SLC4A10: variants seen among roughly 807,000 people sequenced by gnomAD.
The protein encoded by SLC4A10 is sodium-driven chloride bicarbonate exchanger.
A neutral mutation model predicts 137.7 loss-of-function variants in SLC4A10; 42 were observed. That is an observed-to-expected ratio of 0.30 (90% confidence interval 0.24 to 0.39). SLC4A10 has a LOEUF of 0.39. Among genes scored for constraint, SLC4A10 ranks in the 10% least tolerant of loss-of-function variants. SLC4A10 has a pLI of 1.00. For missense variants in SLC4A10, 925 were observed against 1,355.0 expected (o/e 0.68, Z 4.98); for synonymous variants, 474 against 464.1 (o/e 1.02, Z -0.27).
intron 3 of SLC4A10, among the ~76,000 whole-genome samples, chr2:161,818,688 A>G (rs1267086784): frequency 5.9e-5 from 9 of 152,248 alleles, no homozygotes; most frequent in Non-Finnish European, 1.0e-4. Flanking sequence ...TTAGCATGAA[A>G]GGTTGTTGAA....
chr2:161,663,894 A>G lies in SLC4A10; in HGVS notation c.48+39328A>G, dbSNP rs1382498310. On this transcript the variant is annotated intron_variant, in intron 1 of 26. Coordinates refer to ENST00000446997, the MANE Select transcript of SLC4A10 (RefSeq NM_001178015.2). ...TTTTGATGTTTATGTAGAATTGGGG[A>G]GGCTGTATATTTCATAACTGCATAC... Among the ~76,000 whole-genome samples the G allele has an allele frequency of 6.6e-5, 10 of 152,060 alleles. No individual in the cohort carries two copies. The South Asian group carries it at 2.1e-3, about 31-fold the overall frequency.
chr2:161,847,922 CT>C (rs1194943677), intron 4 of SLC4A10, among the ~76,000 whole-genome samples: 1 of 152,130 alleles, frequency 6.6e-6, no homozygotes, highest in Non-Finnish European at 1.5e-5. Context: ...AATGATAGTT[CT>C]GTTTTAAGTT....
intron 1 of SLC4A10, among the ~76,000 whole-genome samples, chr2:161,677,449 G>A (rs1036227255): frequency 6.6e-6 from 1 of 152,154 alleles, no homozygotes; most frequent in East Asian, 1.9e-4. Context: ...GTGCTCTGCA[G>A]AACACCAGAA....
At chr2:161,833,807 C>G (rs1056757475) in intron 3 of SLC4A10, among the ~76,000 whole-genome samples, 1 of 152,176 alleles carries the variant, frequency 6.6e-6, no homozygotes, top group African/African-American at 2.4e-5. Flanking sequence ...TTCCTATCAT[C>G]CATCGGCATC....
chr2:161,790,929 A>G (rs1196346839), intron 2 of SLC4A10, among the ~76,000 whole-genome samples: 2 of 152,188 alleles, frequency 1.3e-5, no homozygotes, highest in South Asian at 4.1e-4. Flanking sequence ...ATCATCTCAC[A>G]TCAGTCAGAA....
chr2:161,823,829 A>C (rs1040232829), intron 3 of SLC4A10, among the ~76,000 whole-genome samples: 2 of 152,216 alleles, frequency 1.3e-5, no homozygotes, highest in Non-Finnish European at 2.9e-5. Flanking sequence ...CCACAAAGGA[A>C]GAGAACATCA....
intron 3 of SLC4A10, among the ~76,000 whole-genome samples, chr2:161,821,992 A>C (rs2057664878): frequency 6.6e-6 from 1 of 152,144 alleles, no homozygotes; most frequent in African/African-American, 2.4e-5. Flanking sequence ...TTTCTTTACC[A>C]TTGCTGCTAT....
At position 161,925,879 on chromosome 2, in the gene SLC4A10, T is replaced by C. The variant is rs549109773; in HGVS notation, c.1998-16913T>C. 8.5e-5 allele frequency among the ~76,000 whole-genome samples: 13 copies of C among 152,320 alleles called. No homozygotes were observed. The South Asian group carries it at 2.7e-3, about 32-fold the overall frequency. On this transcript the variant is annotated intron_variant, in intron 15 of 26. Coordinates refer to ENST00000446997, the MANE Select transcript of SLC4A10 (RefSeq NM_001178015.2). ...GAGCGGTTTTGAGTGAGTTTCTTAA[T>C]CCTGAGTTCTAGTTTGATTGCACTG...
intron 1 of SLC4A10, among the ~76,000 whole-genome samples, chr2:161,667,025 G>A (rs1448264820): frequency 1.3e-5 from 2 of 151,606 alleles, no homozygotes; most frequent in East Asian, 1.9e-4. Context: ...GTTGGAAAGA[G>A]TATCTATAAT....
intron 1 of SLC4A10, among the ~76,000 whole-genome samples, chr2:161,699,070 A>G (rs945049145): frequency 3.9e-5 from 6 of 152,100 alleles, no homozygotes; most frequent in African/African-American, 1.4e-4. Context: ...CCCAGGCTGG[A>G]GTGCAGTGGC....
chr2:161,626,512 T>C (rs974220427), intron 1 of SLC4A10, among the ~76,000 whole-genome samples: 1 of 152,066 alleles, frequency 6.6e-6, no homozygotes, highest in African/African-American at 2.4e-5. Context: ...TAAGAGGGAA[T>C]CATATTAGCA....
rs543702288 is a variant in SLC4A10, at chr2:161,915,015, T to A, written c.1997+9128T>A. ...TCCGATTGGTTCTTTCTGAATAATA[T>A]CTTTTTTACCAATCAAATGTTGCCT... On this transcript the variant is annotated intron_variant, in intron 15 of 26. Transcript: ENST00000446997. Among the ~76,000 whole-genome samples, 8 of 152,198 alleles carry A rather than the reference T, an allele frequency of 5.3e-5. No homozygotes were observed. In the East Asian group the frequency reaches 1.5e-3, roughly 29 times the overall value.
In SLC4A10 at chr2:161,825,766, G is replaced by T. The variant is rs536153438; in HGVS notation, c.278-14023G>T. On this transcript the variant is annotated intron_variant, in intron 3 of 26. Transcript: ENST00000446997. ...CTCAGGTAAGAATCATACCCCTACTGCCATCCCTTTTAAGGAGAATAAGTA... is the reference window on the plus strand; with the variant it reads ...CTCAGGTAAGAATCATACCCCTACTTCCATCCCTTTTAAGGAGAATAAGTA... Among the ~76,000 whole-genome samples the T allele has an allele frequency of 3.3e-5, 5 of 152,210 alleles. No homozygotes were observed. The East Asian group carries it at 7.7e-4, about 24-fold the overall frequency.
chr2:161,922,490 T>C (rs892758895), intron 15 of SLC4A10, among the ~76,000 whole-genome samples: 2 of 152,118 alleles, frequency 1.3e-5, no homozygotes, highest in African/African-American at 4.8e-5. Flanking sequence ...AAATGATTAA[T>C]AATCCAAGAA....
intron 15 of SLC4A10, among the ~76,000 whole-genome samples, chr2:161,940,359 T>C (rs1300640093): frequency 6.6e-6 from 1 of 152,058 alleles, no homozygotes; most frequent in African/African-American, 2.4e-5. Flanking sequence ...ATCCAAGATA[T>C]TGGGGCTCCC....
At chr2:161,649,792 A>C (rs1377676404) in intron 1 of SLC4A10, among the ~76,000 whole-genome samples, 1 of 43,030 alleles carries the variant, frequency 2.3e-5, no homozygotes, top group African/African-American at 8.7e-5. Flanking sequence ...CTTAGGCCTA[A>C]ATAGACATTT....
At chr2:161,967,743 G>A (rs553606933) in intron 23 of SLC4A10, among the ~76,000 whole-genome samples, 76 of 152,094 alleles carry the variant, frequency 5.0e-4, no homozygotes, top group African/African-American at 1.8e-3. Flanking sequence ...TTAGAAGTTT[G>A]GTGATGTTTT....
In SLC4A10 at chr2:161,893,552, A is replaced by C. The variant is rs559530923; in HGVS notation, c.1195-1127A>C. On this transcript the variant is annotated intron_variant, in intron 10 of 26. Coordinates refer to ENST00000446997, the MANE Select transcript of SLC4A10 (RefSeq NM_001178015.2). The stretch of plus-strand genomic sequence containing the variant: ...CTCTACAAGAAATTTTTTAAAAATT[A>C]GCCAGGTTTTGTGGTACACACCTGT... Among the ~76,000 whole-genome samples, 82 of 152,072 alleles carry C rather than the reference A, an allele frequency of 5.4e-4. 2 individuals carry two copies. In the South Asian group the frequency reaches 0.016, roughly 29 times the overall value.
intron 1 of SLC4A10, among the ~76,000 whole-genome samples, chr2:161,680,018 A>C (rs1255387938): frequency 6.6e-6 from 1 of 151,904 alleles, no homozygotes; most frequent in Non-Finnish European, 1.5e-5. Flanking sequence ...AATTTTTCTG[A>C]ATTCACTATG....
Sources: allele counts gnomAD v4.1 joint callset (sites outside exome capture counted in the v4.1 genomes callset), GRCh38; gene constraint gnomAD v4.1.1; transcripts MANE v1.5; gene names NCBI Gene and HGNC (gene_info 2026-07-23, HGNC 2026-07-21).